Variants in ALDH1A2 observed in about 807,000 individuals in gnomAD.
The protein encoded by ALDH1A2 is aldehyde dehydrogenase 1 family member A2, also known as retinal dehydrogenase 2.
ALDH1A2 carries 27 observed loss-of-function variants against 60.3 expected under a neutral mutation model. That is an observed-to-expected ratio of 0.45 (90% CI 0.33 to 0.62). The LOEUF is 0.62. Among genes scored for constraint, ALDH1A2 ranks in the 20% least tolerant of loss-of-function variants. ALDH1A2 has a pLI of 0.02. For missense variants in ALDH1A2, 581 were observed against 643.8 expected, an observed-to-expected ratio of 0.90 and a Z score of 1.06; for synonymous variants, 289 against 232.4, an observed-to-expected ratio of 1.24 and a Z score of -2.21.
intron 3 of ALDH1A2, among the ~76,000 whole-genome samples, chr15:58,012,824 G>A (rs1895672728): frequency 6.6e-6 from 1 of 152,060 alleles, no homozygotes; most frequent in Admixed American, 6.6e-5. Flanking sequence ...CCAGAAGCAA[G>A]CCCAATAGTG....
chr15:58,051,473 C>T (rs1271130742), intron 1 of ALDH1A2, among the ~76,000 whole-genome samples: 3 of 152,058 alleles, frequency 2.0e-5, no homozygotes, highest in Non-Finnish European at 4.4e-5. Flanking sequence ...TTAAACACAA[C>T]ATTAGAAAAC....
At chr15:58,062,676 C>T (rs1897071367) in intron 1 of ALDH1A2, among the ~76,000 whole-genome samples, 1 of 140,018 alleles carries the variant, frequency 7.1e-6, no homozygotes, top group Non-Finnish European at 1.6e-5. Context: ...TTCACTCCTC[C>T]TTGACTAACA....
intron 1 of ALDH1A2, among the ~76,000 whole-genome samples, chr15:58,033,996 T>C (rs1194938818): frequency 6.6e-6 from 1 of 151,612 alleles, no homozygotes; most frequent in African/African-American, 2.4e-5. Flanking sequence ...CATATAAACT[T>C]TATAATTAGT....
intron 12 of ALDH1A2, among the ~76,000 whole-genome samples, chr15:57,957,075 T>A (rs1268707362): frequency 6.6e-6 from 1 of 152,110 alleles, no homozygotes; most frequent in Non-Finnish European, 1.5e-5. Flanking sequence ...AACTGCTCTG[T>A]GCCCAGGACA....
intron 4 of ALDH1A2, among the ~76,000 whole-genome samples, chr15:57,998,496 G>C (rs1024502329): frequency 1.3e-5 from 2 of 151,880 alleles, no homozygotes; most frequent in African/African-American, 4.8e-5. Context: ...AGCTAATAAA[G>C]GAAGTGAAGG....
chr15:57,996,180 A>G (rs1595652303), intron 4 of ALDH1A2, among the ~76,000 whole-genome samples: 1 of 152,084 alleles, frequency 6.6e-6, no homozygotes, highest in South Asian at 2.1e-4. Context: ...AAGAGAAGCG[A>G]TATGAATCAG....
chr15:58,001,848 A>ACAC (rs1895285356), intron 4 of ALDH1A2, among the ~76,000 whole-genome samples: 1 of 151,930 alleles, frequency 6.6e-6, no homozygotes, highest in South Asian at 2.1e-4. Context: ...ATAAAAAAGG[A>ACAC]CTGCATTTGA....
At chr15:58,065,497 A>G in intron 1 of ALDH1A2, 37 bp downstream of exon 1, 1 of 1,536,084 alleles carries the variant, frequency 6.5e-7, no homozygotes, top group Middle Eastern at 1.7e-4. Context: ...GGTTCTAGAA[A>G]GTCTCCGTGG....
At chr15:58,027,043 T>G (rs751505701) in intron 1 of ALDH1A2, among the ~76,000 whole-genome samples, 1 of 152,114 alleles carries the variant, frequency 6.6e-6, no homozygotes, top group South Asian at 2.1e-4. Flanking sequence ...AGCACGGTGT[T>G]TGAGCTATGA....
At chr15:58,007,274 C>T (rs1347327854) in intron 4 of ALDH1A2, among the ~76,000 whole-genome samples, 1 of 151,896 alleles carries the variant, frequency 6.6e-6, no homozygotes, top group South Asian at 2.1e-4. Flanking sequence ...GTGTTCGTGA[C>T]AACTTTATAA....
At chr15:58,053,085 G>C (rs1896815946) in intron 1 of ALDH1A2, among the ~76,000 whole-genome samples, 1 of 152,042 alleles carries the variant, frequency 6.6e-6, no homozygotes, top group Non-Finnish European at 1.5e-5. Context: ...CATGATACCG[G>C]CTCTCATAAA....
At chr15:57,956,024 G>A (rs1388765648) in intron 12 of ALDH1A2, among the ~76,000 whole-genome samples, 1 of 152,172 alleles carries the variant, frequency 6.6e-6, no homozygotes, top group African/African-American at 2.4e-5. Flanking sequence ...TCTGTTCACA[G>A]AGCCCCTTGT....
intron 1 of ALDH1A2, among the ~76,000 whole-genome samples, chr15:58,061,745 A>G (rs28464622): frequency 0.027 from 4,169 of 152,064 alleles, 180 homozygotes; most frequent in African/African-American, 0.093. Flanking sequence ...TATTCTATTT[A>G]TTTCTACTCT....
chr15:58,017,397 G>T (rs1895816949), intron 1 of ALDH1A2, among the ~76,000 whole-genome samples: 1 of 152,098 alleles, frequency 6.6e-6, no homozygotes, highest in South Asian at 2.1e-4. Flanking sequence ...AGTTCATTGG[G>T]TTGCTCAATC....
chr15:57,978,390 C>T (rs2140470824), intron 7 of ALDH1A2, among the ~76,000 whole-genome samples: 1 of 152,218 alleles, frequency 6.6e-6, no homozygotes, highest in East Asian at 1.9e-4. Flanking sequence ...GGATTTTTAG[C>T]ATGAAGGGGT....
intron 6 of ALDH1A2, 26 bp from the exon 7 acceptor site, chr15:57,992,844 G>C: frequency 6.2e-7 from 1 of 1,613,848 alleles, no homozygotes; most frequent in South Asian, 1.1e-5. Context: ...AGGAGGAAAC[G>C]TGGCTGATGA....
chr15:58,000,820 G>A (rs1895240503), intron 4 of ALDH1A2, among the ~76,000 whole-genome samples: 1 of 151,756 alleles, frequency 6.6e-6, no homozygotes. Context: ...TCTCAGCTGA[G>A]GCTCATGCTT....
At position 57,959,202 on chromosome 15, in the gene ALDH1A2, C is replaced by T. The variant is rs186446926; in HGVS notation, c.1484+1568G>A. ...TGTTAATGATCTGTAACAAAACAAT[C>T]AATGCAAGCAGCATTCCCAGAGCCA... is the stretch of plus-strand genomic sequence containing the variant. On this transcript the variant is annotated intron_variant, in intron 12 of 12. Transcript: ENST00000249750. 5.3e-5 allele frequency among the ~76,000 whole-genome samples: 8 copies of T among 152,310 alleles called. No homozygotes were observed. In the East Asian group the frequency reaches 1.5e-3, roughly 29 times the overall value.
At chr15:58,005,669 A>G (rs1004974861) in intron 4 of ALDH1A2, among the ~76,000 whole-genome samples, 6 of 151,938 alleles carry the variant, frequency 3.9e-5, no homozygotes, top group South Asian at 2.1e-4. Flanking sequence ...GTATAATTCA[A>G]TGTTGTAAAG....
Sources: gnomAD v4.1 joint callset for allele counts (sites outside exome capture counted in the v4.1 genomes callset) on GRCh38, gnomAD v4.1.1 for gene constraint, MANE v1.5 for transcripts, NCBI Gene and HGNC (gene_info 2026-07-23, HGNC 2026-07-21) for gene names.